The following TRIP4 variants were observed in gnomAD, a reference collection of about 807,000 sequenced individuals.
The protein encoded by TRIP4 is activating signal cointegrator 1.
TRIP4 carries 54 observed loss-of-function variants against 81.8 expected under a neutral mutation model. The observed-to-expected ratio is 0.66, with a 90% confidence interval of 0.53 to 0.83. The LOEUF (loss-of-function observed/expected upper bound fraction) is 0.83. Among genes scored for constraint, TRIP4 ranks in the 40% least tolerant of loss-of-function variants. The pLI is 0.00. For synonymous variants in TRIP4, 270 were observed against 242.8 expected (o/e 1.11, Z -1.04); for missense variants, 662 against 683.6 (o/e 0.97, Z 0.35).
chr15:64,398,774 T>C (rs1224892708), intron 4 of TRIP4, among the ~76,000 whole-genome samples: 1 of 152,118 alleles, frequency 6.6e-6, no homozygotes, highest in Non-Finnish European at 1.5e-5. Flanking sequence ...AAGAATGCAG[T>C]GATAATGACT....
intron 8 of TRIP4, among the ~76,000 whole-genome samples, chr15:64,415,225 C>A (rs2140295771): frequency 6.6e-6 from 1 of 152,188 alleles, no homozygotes; most frequent in East Asian, 1.9e-4. Context: ...ATAGGAATTT[C>A]CAAGCACACA....
intron 11 of TRIP4, among the ~76,000 whole-genome samples, chr15:64,441,132 GACTACTGGTGCCCGCC>G (rs1340763424): frequency 6.6e-6 from 1 of 151,962 alleles, no homozygotes; most frequent in Non-Finnish European, 1.5e-5. Flanking sequence ...GCGTAGCTGG[GACTACTGGTGCCCGCC>G]ACCACGCCTG....
chr15:64,392,111 C>T (rs1369005998), intron 1 of TRIP4, among the ~76,000 whole-genome samples: 2 of 149,574 alleles, frequency 1.3e-5, no homozygotes, highest in African/African-American at 4.9e-5. Context: ...CCCGTCTCTA[C>T]TAAAAAAAAG....
chr15:64,442,512 T>G (rs1892538924), intron 11 of TRIP4, among the ~76,000 whole-genome samples: 1 of 151,804 alleles, frequency 6.6e-6, no homozygotes, highest in East Asian at 1.9e-4. Flanking sequence ...CCCAAACTCC[T>G]GGGCTCAAGC....
intron 7 of TRIP4, 45 bp from the exon 8 acceptor site, chr15:64,414,040 A>G: frequency 1.2e-6 from 2 of 1,605,470 alleles, no homozygotes; most frequent in Non-Finnish European, 8.5e-7. Context: ...CATTCTGAGC[A>G]TAGAACATTA....
chr15:64,409,977 G>T, intron 7 of TRIP4, 149 bp downstream of exon 7: 18 of 571,662 alleles, frequency 3.1e-5, no homozygotes, highest in Non-Finnish European at 4.3e-5. Flanking sequence ...AAGAAAAAAT[G>T]TTTAAATGAG....
intron 12 of TRIP4, among the ~76,000 whole-genome samples, chr15:64,452,873 G>A (rs1020934227): frequency 6.6e-6 from 1 of 152,102 alleles, no homozygotes; most frequent in Non-Finnish European, 1.5e-5. Context: ...CAGCTAGGAA[G>A]TCTTAGGATT....
At chr15:64,415,026 C>T (rs1158230986) in intron 8 of TRIP4, among the ~76,000 whole-genome samples, 3 of 151,218 alleles carry the variant, frequency 2.0e-5, no homozygotes, top group East Asian at 3.9e-4. Flanking sequence ...GCCCAGGAGG[C>T]AGAGGTTGCA....
intron 1 of TRIP4, among the ~76,000 whole-genome samples, chr15:64,389,778 C>T (rs1348574880): frequency 3.4e-5 from 5 of 145,334 alleles, no homozygotes; most frequent in Admixed American, 2.1e-4. Context: ...GATCTCAGCT[C>T]GCTGCAACCT....
intron 11 of TRIP4, among the ~76,000 whole-genome samples, chr15:64,430,238 C>T (rs1317699345): frequency 6.6e-6 from 1 of 152,206 alleles, no homozygotes; most frequent in Non-Finnish European, 1.5e-5. Context: ...AGATCCTCAA[C>T]CCTCCTGAGT....
At chr15:64,407,666 C>CAA (rs200398683) in intron 6 of TRIP4, among the ~76,000 whole-genome samples, 7 of 146,862 alleles carry the variant, frequency 4.8e-5, no homozygotes, top group African/African-American at 1.2e-4. Context: ...GACTCTGTCT[C>CAA]AAAAAAAAAA....
intron 11 of TRIP4, among the ~76,000 whole-genome samples, chr15:64,440,307 T>A (rs1892488007): frequency 6.6e-6 from 1 of 152,006 alleles, no homozygotes; most frequent in Admixed American, 6.6e-5. Flanking sequence ...CTCCCTTCTC[T>A]TATTCTTTCT....
chr15:64,396,948 T>C (rs1419332804), intron 3 of TRIP4, among the ~76,000 whole-genome samples: 1 of 152,262 alleles, frequency 6.6e-6, no homozygotes, highest in African/African-American at 2.4e-5. Context: ...GGTTGGTATT[T>C]AGTGGTATTG....
At chr15:64,400,648 C>T in intron 4 of TRIP4, 95 bp from the exon 5 acceptor site, 1 of 898,662 alleles carries the variant, frequency 1.1e-6, no homozygotes, top group Non-Finnish European at 1.8e-6. Context: ...ATTTTATCAT[C>T]ATCTAATGTG....
intron 11 of TRIP4, among the ~76,000 whole-genome samples, chr15:64,436,999 G>T (rs548509698): frequency 1.3e-5 from 2 of 151,606 alleles, no homozygotes; most frequent in South Asian, 2.1e-4. Flanking sequence ...GAGCCTCCAG[G>T]CCTGGCCTAG....
chr15:64,431,812 G>T (rs1892275722), intron 11 of TRIP4, among the ~76,000 whole-genome samples: 1 of 135,028 alleles, frequency 7.4e-6, no homozygotes, highest in Admixed American at 7.8e-5. Flanking sequence ...CACTTAAATG[G>T]TTTCAGAAAC....
In TRIP4 at chr15:64,409,727, A is replaced by G. The variant is rs534991947; in HGVS notation, c.942A>G (p.Arg314=). The G allele has an allele frequency of 1.8e-4, 288 of 1,614,184 alleles. 3 individuals are homozygous for G. In the South Asian group the frequency reaches 2.6e-3, roughly 15 times the overall value. The change falls in exon 7 of 13, where the codon AGA becomes AGG. Residue 314 remains arginine, a synonymous_variant. Transcript: ENST00000261884. ...ETLQKREEEL[R]ELRHASRLSK... is the part of the protein sequence containing the mutation. Reference sequence around the variant, plus strand: ...TGCAGAAGCGAGAGGAGGAGCTGAGAGAACTTCGACACGCCTCTCGACTTT... The same window carrying G: ...TGCAGAAGCGAGAGGAGGAGCTGAGGGAACTTCGACACGCCTCTCGACTTT...
Position 64,397,731 on chromosome 15 carries a change from G to A in TRIP4, c.531G>A (p.Lys177=). Residue 177 remains lysine (K), a synonymous_variant, in exon 4 of 13, where the codon AAG becomes AAA. Coordinates refer to ENST00000261884, the MANE Select transcript of TRIP4 (RefSeq NM_016213.5). ...GRHPCDCLGQ[K]HKLINNCLIC... is the part of the protein sequence containing the mutation. ...ACCCTTGTGATTGCCTGGGCCAGAA[G>A]CACAAGCTCATCAATAACTGTCTGA... is the stretch of plus-strand genomic sequence containing the variant. 1 of 1,614,224 alleles carries A rather than the reference G, an allele frequency of 6.2e-7. No homozygotes were observed. Among genetic ancestry groups the A allele is most frequent in the Non-Finnish European group, 8.5e-7 (1 of 1,180,048 alleles).
At chr15:64,390,941 C>G (rs192610187) in intron 1 of TRIP4, among the ~76,000 whole-genome samples, 2 of 151,916 alleles carry the variant, frequency 1.3e-5, no homozygotes, top group Non-Finnish European at 2.9e-5. Flanking sequence ...GGTCAGTGCC[C>G]GTCGGCATGT....
Sources: gnomAD v4.1 joint callset for allele counts (sites outside exome capture counted in the v4.1 genomes callset) on GRCh38, gnomAD v4.1.1 for gene constraint, MANE v1.5 for transcripts, NCBI Gene and HGNC (gene_info 2026-07-23, HGNC 2026-07-21) for gene names.